KCND3: variants seen among roughly 807,000 people sequenced by gnomAD.
The protein encoded by KCND3 is potassium voltage-gated channel subfamily D member 3, also known as A-type voltage-gated potassium channel KCND3.
In KCND3, 9 loss-of-function variants were observed where a neutral mutation model predicts 51.1. That is an observed-to-expected ratio of 0.18 (90% CI 0.11 to 0.31). The LOEUF is 0.31. KCND3 is among the 10% of genes least tolerant of loss of function. The probability of loss-of-function intolerance (pLI) is 1.00; values close to 1 mark genes in which losing one functional copy is unlikely to be tolerated. For synonymous variants in KCND3, 349 were observed against 368.0 expected (o/e 0.95, Z 0.59); for missense variants, 526 against 903.8 (o/e 0.58, Z 5.36).
chr1:111,887,202 G>A (rs1446296090), intron 2 of KCND3, among the ~76,000 whole-genome samples: 4 of 152,174 alleles, frequency 2.6e-5, no homozygotes, highest in East Asian at 1.9e-4. Flanking sequence ...TTCTGTCCAC[G>A]GAGGCTTGTG....
At chr1:111,953,961 T>C (rs577629968) in intron 2 of KCND3, among the ~76,000 whole-genome samples, 1 of 152,194 alleles carries the variant, frequency 6.6e-6, no homozygotes, top group East Asian at 1.9e-4. Flanking sequence ...ATGGACATCA[T>C]CAGCAGGCTC....
intron 2 of KCND3, among the ~76,000 whole-genome samples, chr1:111,811,321 G>A (rs895939228): frequency 2.0e-5 from 3 of 152,174 alleles, no homozygotes; most frequent in African/African-American, 4.8e-5. Flanking sequence ...GTGTTATGGT[G>A]AAAATCAGAT....
At chr1:111,933,408 T>G (rs927688202) in intron 2 of KCND3, among the ~76,000 whole-genome samples, 1 of 152,186 alleles carries the variant, frequency 6.6e-6, no homozygotes, top group Non-Finnish European at 1.5e-5. Context: ...TTTGTGAGTG[T>G]TAGCTTATAA....
At chr1:111,867,850 T>C (rs374407583) in intron 2 of KCND3, among the ~76,000 whole-genome samples, 1 of 152,206 alleles carries the variant, frequency 6.6e-6, no homozygotes, top group Non-Finnish European at 1.5e-5. Context: ...AGTGTCTTCA[T>C]AGGTAAGAGC....
chr1:111,817,654 T>C (rs551975696), intron 2 of KCND3, among the ~76,000 whole-genome samples: 2 of 152,354 alleles, frequency 1.3e-5, no homozygotes, highest in East Asian at 3.9e-4. Flanking sequence ...TCTTCGGTTT[T>C]CTGCATTTTT....
chr1:111,850,794 A>T (rs999514207), intron 2 of KCND3, among the ~76,000 whole-genome samples: 4 of 152,210 alleles, frequency 2.6e-5, no homozygotes, highest in Non-Finnish European at 5.9e-5. Flanking sequence ...GGCGGCAGAA[A>T]AAGGCTGGCC....
At chr1:111,922,654 T>C (rs1571854415) in intron 2 of KCND3, among the ~76,000 whole-genome samples, 2 of 152,298 alleles carry the variant, frequency 1.3e-5, no homozygotes, top group Admixed American at 6.5e-5. Context: ...AGTTAATACA[T>C]GTAAGGGCTC....
intron 2 of KCND3, among the ~76,000 whole-genome samples, chr1:111,970,583 G>T (rs1184970705): frequency 1.3e-5 from 2 of 152,130 alleles, no homozygotes; most frequent in African/African-American, 2.4e-5. Flanking sequence ...CTCTGACATT[G>T]TTGAGCCCAG....
intron 2 of KCND3, among the ~76,000 whole-genome samples, chr1:111,920,196 G>A (rs952102693): frequency 6.6e-6 from 1 of 152,196 alleles, no homozygotes; most frequent in African/African-American, 2.4e-5. Context: ...TGCAGACCCT[G>A]CACTCACAAT....
At chr1:111,927,655 TC>T (rs1671771056) in intron 2 of KCND3, among the ~76,000 whole-genome samples, 1 of 152,216 alleles carries the variant, frequency 6.6e-6, no homozygotes, top group Non-Finnish European at 1.5e-5. Flanking sequence ...CTTTCCTCCT[TC>T]CTTTTCCATT....
chr1:111,877,650 G>A (rs1027716158), intron 2 of KCND3, among the ~76,000 whole-genome samples: 4 of 152,200 alleles, frequency 2.6e-5, no homozygotes, highest in Non-Finnish European at 4.4e-5. Flanking sequence ...GGAGAGAGGC[G>A]TCATAATGGA....
rs548754755 is a variant in KCND3, at chr1:111,915,094, T to C, written c.1106+66527A>G. On this transcript the variant is annotated intron_variant, in intron 2 of 7. Coordinates refer to ENST00000302127, the MANE Select transcript of KCND3 (RefSeq NM_001378969.1). The stretch of plus-strand genomic sequence containing the variant: ...ATGCTAAAATGTATATTTTAAATCA[T>C]AGAGCAACCACTAAAAAAAAATACA... 2.6e-5 allele frequency among the ~76,000 whole-genome samples: 4 copies of C among 152,208 alleles called. No individual in the cohort carries two copies. The South Asian group carries it at 8.3e-4, about 32-fold the overall frequency.
chr1:111,929,710 G>T (rs1557725725), intron 2 of KCND3, among the ~76,000 whole-genome samples: 1 of 152,144 alleles, frequency 6.6e-6, no homozygotes. Flanking sequence ...CTTTCTACCT[G>T]TCAAAGCAGT....
intron 2 of KCND3, among the ~76,000 whole-genome samples, chr1:111,943,761 C>T (rs183388688): frequency 2.0e-5 from 3 of 152,348 alleles, no homozygotes; most frequent in Admixed American, 6.5e-5. Flanking sequence ...TGCTTTCTCA[C>T]AGTCCTTCTG....
chr1:111,776,015 C>T lies in KCND3; in HGVS notation c.*62G>A. On this transcript the variant is annotated 3_prime_UTR_variant, in exon 8 of 8. Transcript: ENST00000302127. ...GGGGAGGGAGTGGTCTCAGTGACCA[C>T]CCACCAACATGCCAGTCCCCTTCAT... 1 of 1,573,472 alleles carries T rather than the reference C, an allele frequency of 6.4e-7. No homozygotes were observed. The highest frequency in any genetic ancestry group is 2.2e-5 in the East Asian group (1 of 44,664).
chr1:111,800,110 G>A (rs1046585523), intron 2 of KCND3, among the ~76,000 whole-genome samples: 46 of 147,960 alleles, frequency 3.1e-4, no homozygotes, highest in Non-Finnish European at 5.5e-4. Context: ...GGCAGGAAAG[G>A]TGGGGAAAAG....
At chr1:111,792,169 G>A (rs531651958) in intron 2 of KCND3, among the ~76,000 whole-genome samples, 22 of 152,362 alleles carry the variant, frequency 1.4e-4, no homozygotes, top group Admixed American at 1.3e-3. Context: ...GCCCGAAGAA[G>A]AGGAGTTGGG....
chr1:111,944,569 T>C (rs955807916), intron 2 of KCND3, among the ~76,000 whole-genome samples: 5 of 152,206 alleles, frequency 3.3e-5, no homozygotes, highest in Non-Finnish European at 7.3e-5. Flanking sequence ...CTCCTGGGCA[T>C]GCTGCCTGGA....
chr1:111,957,473 A>C (rs1359485474), intron 2 of KCND3, among the ~76,000 whole-genome samples: 2 of 152,166 alleles, frequency 1.3e-5, no homozygotes, highest in African/African-American at 4.8e-5. Flanking sequence ...TCTATGCCTT[A>C]GTTTTCCTCA....
Sources: gnomAD v4.1 joint callset for allele counts (sites outside exome capture counted in the v4.1 genomes callset) on GRCh38, gnomAD v4.1.1 for gene constraint, MANE v1.5 for transcripts, NCBI Gene and HGNC (gene_info 2026-07-23, HGNC 2026-07-21) for gene names.